The following SLPI variants were observed in gnomAD, a reference collection of about 807,000 sequenced individuals.
SLPI encodes secretory leukocyte peptidase inhibitor, also known as antileukoproteinase.
In SLPI, 20 loss-of-function variants were observed where a neutral mutation model predicts 14.3. The ratio of observed to expected loss-of-function variants is 1.40; its 90% CI spans 0.99 to 2.04. SLPI has a LOEUF of 2.04. Among genes scored for constraint, SLPI ranks in the 30% most tolerant of loss-of-function variants. The pLI, the probability that SLPI is intolerant of heterozygous loss-of-function variation, is 0.00. For synonymous variants in SLPI, 68 were observed against 54.8 expected (o/e 1.24, Z -1.07); for missense variants, 169 against 159.4 (o/e 1.06, Z -0.32).
At chr20:45,253,284 C>T (rs1984718507) in intron 2 of SLPI, 133 bp from the exon 3 acceptor site, 1 of 1,109,970 alleles carries the variant, frequency 9.0e-7, no homozygotes, top group Non-Finnish European at 1.3e-6. Context: ...ATCACCACCA[C>T]CTTCTCCCTA....
intron 1 of SLPI, among the ~76,000 whole-genome samples, chr20:45,254,198 TGAGAGAGAGA>T (rs144801825): frequency 3.1e-4 from 42 of 135,430 alleles, no homozygotes; most frequent in East Asian, 2.0e-3. Flanking sequence ...AGGCGGAGTA[TGAGAGAGAGA>T]GAGAGAGAGA....
intron 1 of SLPI, 86 bp from the exon 2 acceptor site, chr20:45,253,819 G>A: frequency 1.6e-6 from 2 of 1,271,308 alleles, no homozygotes; most frequent in Non-Finnish European, 2.2e-6. Context: ...ACTTTTGAGG[G>A]GGAGAGACCC....
In SLPI at chr20:45,253,905, A is replaced by C. The variant is rs907586907; in HGVS notation, c.86-172T>G. 2.6e-5 allele frequency among the ~76,000 whole-genome samples: 4 copies of C among 152,144 alleles called. No individual in the cohort carries two copies. In the South Asian group the frequency reaches 6.2e-4, roughly 24 times the overall value. On this transcript the variant is annotated intron_variant, in intron 1 of 3. Transcript: ENST00000338380. ...CCAGGTGTATTGATGGGCTTGATTA[A>C]ATTAGACAAATGGACAGGGGACGTT... is the stretch of plus-strand genomic sequence containing the variant.
chr20:45,252,633 C>G (rs963184456), intron 3 of SLPI, among the ~76,000 whole-genome samples: 4 of 152,196 alleles, frequency 2.6e-5, no homozygotes, highest in African/African-American at 9.7e-5. Context: ...TCCACTGATC[C>G]TTTGTGATTT....
intron 2 of SLPI, 74 bp downstream of exon 2, chr20:45,253,501 A>G (rs1223121795): frequency 7.0e-7 from 1 of 1,426,724 alleles, no homozygotes; most frequent in East Asian, 2.3e-5. Flanking sequence ...GGCAGGACCC[A>G]TCACCCAGTT....
At chr20:45,253,323 C>G (rs1329164873) in intron 2 of SLPI, among the ~76,000 whole-genome samples, 172 bp from the exon 3 acceptor site, 1 of 152,196 alleles carries the variant, frequency 6.6e-6, no homozygotes, top group Non-Finnish European at 1.5e-5. Context: ...GCACCTGGCT[C>G]TCCTAGAACT....
chr20:45,253,935 A>G (rs1984742574), intron 1 of SLPI, among the ~76,000 whole-genome samples: 1 of 152,140 alleles, frequency 6.6e-6, no homozygotes, highest in South Asian at 2.1e-4. Context: ...GACGTTTCAC[A>G]CCCAAGAAAA....
At chr20:45,252,616 C>G in intron 3 of SLPI, among the ~76,000 whole-genome samples, 197 bp from the exon 4 acceptor site, 1 of 152,194 alleles carries the variant, frequency 6.6e-6, no homozygotes, top group East Asian at 1.9e-4. Flanking sequence ...CTAGATAATC[C>G]TCAAACTCCA....
intron 3 of SLPI, 39 bp downstream of exon 3, chr20:45,252,963 G>A: frequency 1.9e-6 from 3 of 1,603,636 alleles, no homozygotes; most frequent in Non-Finnish European, 2.6e-6. Context: ...AGGCTGAGAG[G>A]GCTGGAGGGA....
At position 45,253,714 on chromosome 20, in the gene SLPI, A is replaced by G. The variant is rs1264630604; in HGVS notation, c.105T>C (p.Cys35=). 6.2e-7 allele frequency: 1 copy of G among 1,614,090 alleles called. No individual in the cohort carries two copies. Among genetic ancestry groups the G allele is most frequent in the South Asian group, 1.1e-5 (1 of 91,068 alleles). The part of the protein sequence containing the change: ...GSGKSFKAGV[C]PPKKSAQCLR... Reference sequence around the variant, plus strand: ...GGCACTGGGCAGATTTCTTAGGAGGACAGACTCCAGCTTTGAAGGCTTTTG... The same window carrying G: ...GGCACTGGGCAGATTTCTTAGGAGGGCAGACTCCAGCTTTGAAGGCTTTTG... The change falls in exon 2 of 4, where the codon TGT becomes TGC. Residue 35 remains cysteine (C), a synonymous_variant. Coordinates refer to ENST00000338380, the MANE Select transcript of SLPI (RefSeq NM_003064.4).
chr20:45,253,581 T>C lies in SLPI; in HGVS notation c.238A>G (p.Asn80Asp). Residue 80 changes from asparagine (N) to aspartate (D), a missense_variant, in exon 2 of 4, where the codon AAC becomes GAC. Transcript: ENST00000338380. ...IKCLDPVDTP[N>D]PTRRKPGKCP... ...AGTTCCCCGACCTGCTTACTTGGGTTTGGGGTGTCAACAGGATCCAGGCAT... is the reference window on the plus strand; with the variant it reads ...AGTTCCCCGACCTGCTTACTTGGGTCTGGGGTGTCAACAGGATCCAGGCAT... The C allele has an allele frequency of 6.2e-7, 1 of 1,613,596 alleles. No homozygotes were observed. The highest frequency in any genetic ancestry group is 8.5e-7 in the Non-Finnish European group (1 of 1,179,728).
In SLPI at chr20:45,253,603, G is replaced by T; in HGVS notation, c.216C>A (p.Cys72Ter). 1 of 1,614,050 alleles carries T rather than the reference G, an allele frequency of 6.2e-7. No individual in the cohort carries two copies. The highest frequency in any genetic ancestry group is 8.5e-7 in the Non-Finnish European group (1 of 1,179,980). ...RCCPDTCGIK[C>*]LDPVDTPNPT... is the part of the protein sequence containing the mutation. Reference sequence around the variant, plus strand: ...GGTTTGGGGTGTCAACAGGATCCAGGCATTTGATGCCACAAGTGTCAGGAC... The same window carrying T: ...GGTTTGGGGTGTCAACAGGATCCAGTCATTTGATGCCACAAGTGTCAGGAC... The change falls in exon 2 of 4, where the codon TGC becomes TGA. Residue 72 changes from cysteine to a stop codon, truncating the protein, a stop_gained. Coordinates refer to ENST00000338380, the MANE Select transcript of SLPI (RefSeq NM_003064.4). LOFTEE classifies it high-confidence loss of function.
chr20:45,253,700 G>A lies in SLPI; in HGVS notation c.119C>T (p.Ser40Phe). The A allele has an allele frequency of 6.2e-7, 1 of 1,614,170 alleles. No homozygotes were observed. The highest frequency in any genetic ancestry group is 8.5e-7 in the Non-Finnish European group (1 of 1,180,008). ...TTTCTTGTATCTAAGGCACTGGGCA[G>A]ATTTCTTAGGAGGACAGACTCCAGC... ...FKAGVCPPKKSAQCLRYKKPE... is the reference protein window; with the variant it reads ...FKAGVCPPKKFAQCLRYKKPE... Residue 40 changes from serine to phenylalanine, a missense_variant, in exon 2 of 4, where the codon TCT becomes TTT. Coordinates refer to ENST00000338380, the MANE Select transcript of SLPI (RefSeq NM_003064.4).
chr20:45,253,573 A>G lies in SLPI; in HGVS notation c.244+2T>C, dbSNP rs113508916. 1.2e-6 allele frequency: 2 copies of G among 1,612,982 alleles called. No individual in the cohort carries two copies. The highest frequency in any genetic ancestry group is 1.3e-5 in the African/African-American group (1 of 74,886). On this transcript the variant is annotated splice_donor_variant, in intron 2 of 3. Transcript: ENST00000338380. LOFTEE classifies it high-confidence loss of function. ...CTCTACCCAGTTCCCCGACCTGCTT[A>G]CTTGGGTTTGGGGTGTCAACAGGAT...
At chr20:45,252,979 G>A (rs768709239) in intron 3 of SLPI, 23 bp downstream of exon 3, 25 of 1,610,768 alleles carry the variant, frequency 1.6e-5, no homozygotes, top group Middle Eastern at 3.4e-4. Context: ...AGGGAGCTCA[G>A]TGTGCCCTCA....
At chr20:45,252,927 C>T in intron 3 of SLPI, 75 bp downstream of exon 3, 1 of 1,505,148 alleles carries the variant, frequency 6.6e-7, no homozygotes, top group Non-Finnish European at 9.1e-7. Flanking sequence ...TCCCCCTGCC[C>T]ATATGCCTGG....
In SLPI at chr20:45,252,249, A is replaced by T; in HGVS notation, c.*166T>A. ...CACAGAAGCAGGATGTGCAAAGAGA[A>T]ATAGGCTCGTTTATTTATTCATTGA... On this transcript the variant is annotated 3_prime_UTR_variant, in exon 4 of 4. Coordinates refer to ENST00000338380, the MANE Select transcript of SLPI (RefSeq NM_003064.4). 1.6e-6 allele frequency: 1 copy of T among 608,450 alleles called. No individual in the cohort carries two copies. The highest frequency in any genetic ancestry group is 2.9e-6 in the Non-Finnish European group (1 of 349,972). The allele number at this position is 608,450 out of a possible 1,614,324, so 37.7% of individuals were successfully genotyped here.
rs766130063 is a variant in SLPI at position 45,254,416 on chromosome 20, C to T, written c.85+43G>A. The T allele has an allele frequency of 4.5e-6, 7 of 1,570,136 alleles. No homozygotes were observed. The Admixed American group carries it at 8.4e-5, about 19-fold the overall frequency. ...CCCACACCACAAGGAGACCCCACCTCTGACCCTGCAGCCCAGATTAGACCA... is the reference window on the plus strand; with the variant it reads ...CCCACACCACAAGGAGACCCCACCTTTGACCCTGCAGCCCAGATTAGACCA... On this transcript the variant is annotated intron_variant, in intron 1 of 3. Transcript: ENST00000338380.
chr20:45,252,520 G>A, intron 3 of SLPI, 101 bp from the exon 4 acceptor site: 1 of 1,202,210 alleles, frequency 8.3e-7, no homozygotes, highest in Non-Finnish European at 1.2e-6. Context: ...AGAGAAAATA[G>A]CAAGATAGCG....
Sources: allele counts gnomAD v4.1 joint callset (sites outside exome capture counted in the v4.1 genomes callset), GRCh38; gene constraint gnomAD v4.1.1; transcripts MANE v1.5; gene names NCBI Gene and HGNC (gene_info 2026-07-23, HGNC 2026-07-21).